TBCD: variants seen among roughly 807,000 people sequenced by gnomAD.
TBCD encodes tubulin-specific chaperone D.
In TBCD, 105 loss-of-function variants were observed where a neutral mutation model predicts 169.3. The ratio of observed to expected loss-of-function variants is 0.62; its 90% CI spans 0.53 to 0.73. TBCD has a LOEUF of 0.73. TBCD is among the 30% of genes least tolerant of loss of function. The pLI is 0.00. For missense variants in TBCD, 1,444 were observed against 1,600.1 expected (o/e 0.90, Z 1.66); for synonymous variants, 700 against 643.9 (o/e 1.09, Z -1.32).
chr17:82,810,106 C>T (rs2051317709), intron 12 of TBCD, among the ~76,000 whole-genome samples: 1 of 152,146 alleles, frequency 6.6e-6, no homozygotes, highest in South Asian at 2.1e-4. Context: ...TTCGGGTCTA[C>T]CCCTCGCCTA....
chr17:82,766,174 G>A (rs1309833815), intron 3 of TBCD, 93 bp from the exon 4 acceptor site: 9 of 963,986 alleles, frequency 9.3e-6, no homozygotes, highest in Admixed American at 4.2e-5. Context: ...AGTGGGTCGC[G>A]TAGCTGGTGA....
chr17:82,770,095 A>G (rs371376511), intron 5 of TBCD, among the ~76,000 whole-genome samples: 118 of 152,190 alleles, frequency 7.8e-4, no homozygotes, highest in Middle Eastern at 6.8e-3. Context: ...GTTTATCTGG[A>G]GTCTGTGCTC....
intron 13 of TBCD, among the ~76,000 whole-genome samples, chr17:82,852,355 A>G (rs1212024387): frequency 6.6e-6 from 1 of 152,046 alleles, no homozygotes; most frequent in Non-Finnish European, 1.5e-5. Flanking sequence ...ATCGTGTGGC[A>G]TCTTAGTCAG....
intron 13 of TBCD, among the ~76,000 whole-genome samples, chr17:82,861,796 G>A (rs1250708603): frequency 6.6e-6 from 1 of 152,148 alleles, no homozygotes; most frequent in Non-Finnish European, 1.5e-5. Context: ...TTTTAATAGG[G>A]AATTTTCTAG....
chr17:82,824,717 AT>A (rs1455556857), intron 13 of TBCD, among the ~76,000 whole-genome samples: 1 of 152,130 alleles, frequency 6.6e-6, no homozygotes, highest in Non-Finnish European at 1.5e-5. Flanking sequence ...CCTTTTGGGT[AT>A]TGTGAATAAT....
At chr17:82,940,855 C>T (rs919368928) in intron 37 of TBCD, among the ~76,000 whole-genome samples, 1 of 152,152 alleles carries the variant, frequency 6.6e-6, no homozygotes, top group African/African-American at 2.4e-5. Context: ...GAGGCCTCCT[C>T]CAGCGAGGCT....
intron 13 of TBCD, among the ~76,000 whole-genome samples, chr17:82,829,063 C>A (rs1168038661): frequency 6.6e-6 from 1 of 150,726 alleles, no homozygotes; most frequent in African/African-American, 2.4e-5. Context: ...GCGCACACAC[C>A]CACAGATAGC....
In TBCD at chr17:82,831,319, C is replaced by T. The variant is rs750978958; in HGVS notation, c.1318+16385C>T. 5 of 1,614,038 alleles carry T rather than the reference C, an allele frequency of 3.1e-6. No individual in the cohort carries two copies. Among genetic ancestry groups the T allele is most frequent in the East Asian group, 2.2e-5 (1 of 44,874 alleles). ...GGAGTCTTTAGCCTCAGGAATTGGA[C>T]TTTCGAACTCGACGTGTTTTCTGTT... On this transcript the variant is annotated intron_variant, in intron 13 of 38. Coordinates refer to ENST00000355528, the MANE Select transcript of TBCD (RefSeq NM_005993.5). The surrounding 1 kb of genome is among the most constrained non-coding windows in gnomAD (Gnocchi z 4.6).
chr17:82,759,403 C>T (rs1487069109), intron 2 of TBCD, among the ~76,000 whole-genome samples: 1 of 152,132 alleles, frequency 6.6e-6, no homozygotes, highest in Non-Finnish European at 1.5e-5. Flanking sequence ...ATTGCTTGAA[C>T]TGGGACCCAG....
chr17:82,924,250 G>A (rs536900542), intron 26 of TBCD, among the ~76,000 whole-genome samples: 73 of 152,234 alleles, frequency 4.8e-4, no homozygotes, highest in South Asian at 1.7e-3. Context: ...CACTGCACTC[G>A]GTCAGTGTTT....
rs376717482 is a variant in TBCD at position 82,921,583 on chromosome 17, G to A, written c.2178+6G>A. 6 of 1,613,832 alleles carry A rather than the reference G, an allele frequency of 3.7e-6. No homozygotes were observed. In the African/African-American group the frequency reaches 8.0e-5, roughly 22 times the overall value. ...ACTCCCGCCAGCAGATGAAGGTACA[G>A]TGAGCATGGGCGTTCCCGGCCGGCG... On this transcript the variant is annotated splice_donor_region_variant and intron_variant, in intron 25 of 38. Transcript: ENST00000355528.
Position 82,831,949 on chromosome 17 carries a change from C to T in TBCD, c.1318+17015C>T. The T allele has an allele frequency of 6.2e-7, 1 of 1,614,040 alleles. No individual in the cohort carries two copies. Among genetic ancestry groups the T allele is most frequent in the Non-Finnish European group, 8.5e-7 (1 of 1,179,936 alleles). On this transcript the variant is annotated intron_variant, in intron 13 of 38. Coordinates refer to ENST00000355528, the MANE Select transcript of TBCD (RefSeq NM_005993.5). This position sits in a 1 kb window ranked among gnomAD's most constrained non-coding sequence, Gnocchi z 4.6. Reference sequence around the variant, plus strand: ...CTCGGCGTTGTCTGGCCCCTTGAGTCTGTGCTCGCCGACTGGAACAAATGC... The same window carrying T: ...CTCGGCGTTGTCTGGCCCCTTGAGTTTGTGCTCGCCGACTGGAACAAATGC...
chr17:82,807,669 G>T lies in TBCD; in HGVS notation c.1148+1G>T. 7 of 1,510,782 alleles carry T rather than the reference G, an allele frequency of 4.6e-6. No homozygotes were observed. The highest frequency in any genetic ancestry group is 5.3e-6 in the Non-Finnish European group (6 of 1,125,022). The allele number at this position is 1,510,782 out of a possible 1,614,324, so 93.6% of individuals were successfully genotyped here. ...TCGTGCGGTGGTCTGCAGCCAAGGGGTAGGTGTCTGTGGCCGCAGAAGCAC... is the reference window on the plus strand; with the variant it reads ...TCGTGCGGTGGTCTGCAGCCAAGGGTTAGGTGTCTGTGGCCGCAGAAGCAC... On this transcript the variant is annotated splice_donor_variant, in intron 11 of 38. Transcript: ENST00000355528. LOFTEE classifies it high-confidence loss of function.
chr17:82,795,510 AC>A (rs1235437387), intron 7 of TBCD: 11 of 985,086 alleles, frequency 1.1e-5, no homozygotes, highest in Non-Finnish European at 1.3e-5. Flanking sequence ...TGAGCACTTC[AC>A]TGTTCATCCC....
intron 1 of TBCD, among the ~76,000 whole-genome samples, chr17:82,754,324 C>T (rs1212766995): frequency 6.6e-6 from 1 of 152,146 alleles, no homozygotes; most frequent in Non-Finnish European, 1.5e-5. Context: ...CTGCGTGGGG[C>T]CCCAGGAGCA....
chr17:82,942,395 G>T (rs1191623491), intron 38 of TBCD, 54 bp from the exon 39 acceptor site: 15 of 1,613,366 alleles, frequency 9.3e-6, no homozygotes, highest in Non-Finnish European at 1.3e-5. Flanking sequence ...CCCCTGGCTG[G>T]GAATGGTGTG....
chr17:82,851,321 C>G (rs887339349), intron 13 of TBCD, among the ~76,000 whole-genome samples: 2 of 152,122 alleles, frequency 1.3e-5, no homozygotes, highest in African/African-American at 4.8e-5. Flanking sequence ...ATTATTCTAT[C>G]TAAAATTTTG....
chr17:82,821,944 G>C (rs939141845), intron 13 of TBCD, among the ~76,000 whole-genome samples: 4 of 152,144 alleles, frequency 2.6e-5, no homozygotes, highest in Non-Finnish European at 5.9e-5. Context: ...TTATATAAAT[G>C]TTATAAATTT....
intron 29 of TBCD, among the ~76,000 whole-genome samples, chr17:82,927,634 T>C (rs2061865337): frequency 1.3e-5 from 2 of 151,948 alleles, no homozygotes; most frequent in Admixed American, 1.3e-4. Flanking sequence ...CAACATTTCT[T>C]GCTGTAGTGG....
Sources: allele counts gnomAD v4.1 joint callset (sites outside exome capture counted in the v4.1 genomes callset), GRCh38; gene constraint gnomAD v4.1.1; non-coding constraint Gnocchi (gnomAD v3.1); transcripts MANE v1.5; gene names NCBI Gene and HGNC (gene_info 2026-07-23, HGNC 2026-07-21).